The following DSTYK variants were observed in gnomAD, a reference collection of about 807,000 sequenced individuals.
DSTYK encodes RIP-homologous kinase.
DSTYK carries 34 observed loss-of-function variants against 98.7 expected under a neutral mutation model. The observed-to-expected ratio is 0.34, with a 90% CI of 0.26 to 0.46. The LOEUF (loss-of-function observed/expected upper bound fraction) is 0.46, where lower values mean the gene tolerates loss of function less well. Among genes scored for constraint, DSTYK ranks in the 20% least tolerant of loss-of-function variants. The pLI, the probability that DSTYK is intolerant of heterozygous loss-of-function variation, is 1.00. For synonymous variants in DSTYK, 462 were observed against 457.3 expected (o/e 1.01, Z -0.13); for missense variants, 962 against 1,181.7 (o/e 0.81, Z 2.73).
chr1:205,208,995 C>T (rs923530862), intron 1 of DSTYK, among the ~76,000 whole-genome samples: 1 of 152,218 alleles, frequency 6.6e-6, no homozygotes, highest in Non-Finnish European at 1.5e-5. Flanking sequence ...CCATCTGCAC[C>T]CTCCCAGGTT....
At chr1:205,187,845 T>TAG (rs1452699273) in intron 1 of DSTYK, 39 bp from the exon 2 acceptor site, 3 of 1,533,544 alleles carry the variant, frequency 2.0e-6, no homozygotes, top group Non-Finnish European at 2.6e-6. Context: ...GAGAAAGGAG[T>TAG]AGAGAGAGAG....
In DSTYK at chr1:205,187,617, C is replaced by T. The variant is rs374400399; in HGVS notation, c.455G>A (p.Arg152His). The T allele has an allele frequency of 9.3e-6, 15 of 1,614,108 alleles. No individual in the cohort carries two copies. The highest frequency in any genetic ancestry group is 1.1e-5 in the Non-Finnish European group (13 of 1,180,036). ...LGSEESCKLR[R>H]LRFTYGTQTR... ...CTGAGTCCCATAGGTGAAGCGGAGG[C>T]GCCGAAGCTTACAGCTCTCCTCACT... Residue 152 changes from arginine to histidine, a missense_variant, in exon 2 of 13, where the codon CGC becomes CAC. By Grantham distance (29) the Arg-to-His change is conservative. This residue lies in a region of DSTYK where 660 missense variants were observed against 855.0 expected (regional missense o/e 0.77). Transcript: ENST00000367162.
intron 8 of DSTYK, 158 bp downstream of exon 8, chr1:205,159,956 G>C: frequency 1.1e-6 from 1 of 925,118 alleles, no homozygotes; most frequent in Non-Finnish European, 1.7e-6. Context: ...GAAAGAGCAA[G>C]CAAAGACAGT....
chr1:205,169,124 C>G lies in DSTYK; in HGVS notation c.1324+39G>C, dbSNP rs1193005431. 6.6e-7 allele frequency: 1 copy of G among 1,508,938 alleles called. No individual in the cohort carries two copies. The highest frequency in any genetic ancestry group is 2.1e-5 in the Admixed American group (1 of 48,144). The allele number at this position is 1,508,938 out of a possible 1,614,324, so 93.5% of individuals were successfully genotyped here. On this transcript the variant is annotated intron_variant, in intron 3 of 12. Coordinates refer to ENST00000367162, the MANE Select transcript of DSTYK (RefSeq NM_015375.3). The surrounding 1 kb of genome is among the most constrained non-coding windows in gnomAD (Gnocchi z 4.0). The stretch of plus-strand genomic sequence containing the variant: ...CCGGCTAGAAAATGGTTAGAGACTC[C>G]TCCCGTGCCAGCACCCCAACAAGCT...
chr1:205,195,034 C>T (rs1364619450), intron 1 of DSTYK, among the ~76,000 whole-genome samples: 1 of 148,056 alleles, frequency 6.8e-6, no homozygotes, highest in Non-Finnish European at 1.5e-5. Flanking sequence ...ACCATGTTGG[C>T]CAGGCTGATC....
At chr1:205,166,038 A>G (rs1281156541) in intron 3 of DSTYK, among the ~76,000 whole-genome samples, 1 of 152,200 alleles carries the variant, frequency 6.6e-6, no homozygotes, top group African/African-American at 2.4e-5. Context: ...AAATAAATAA[A>G]TAAAAATAAA....
At position 205,152,044 on chromosome 1, in the gene DSTYK, T is replaced by G. The variant is rs141214550; in HGVS notation, c.2353-1250A>C. On this transcript the variant is annotated intron_variant, in intron 10 of 12. Coordinates refer to ENST00000367162, the MANE Select transcript of DSTYK (RefSeq NM_015375.3). ...GCTTATTATCAAATATTATATACTG[T>G]ACATAATTGTGCTATACTTTTATAT... 4.7e-4 allele frequency among the ~76,000 whole-genome samples: 72 copies of G among 152,356 alleles called. 2 individuals are homozygous for G. Among genetic ancestry groups the G allele is most frequent in the African/African-American group, 1.7e-3 (71 of 41,592 alleles).
At chr1:205,174,719 G>T (rs183369999) in intron 2 of DSTYK, among the ~76,000 whole-genome samples, 1 of 146,010 alleles carries the variant, frequency 6.8e-6, no homozygotes, top group Non-Finnish European at 1.5e-5. Flanking sequence ...TAAAAAAAGG[G>T]ATTTCAGGCT....
chr1:205,148,685 T>G (rs1657316334), intron 11 of DSTYK, among the ~76,000 whole-genome samples: 1 of 152,196 alleles, frequency 6.6e-6, no homozygotes, highest in Admixed American at 6.6e-5. Flanking sequence ...GTAGGTATGT[T>G]GGAACCAGAA....
At position 205,169,877 on chromosome 1, in the gene DSTYK, C is replaced by G; in HGVS notation, c.655-45G>C. 6.5e-7 allele frequency: 1 copy of G among 1,536,192 alleles called. No individual in the cohort carries two copies. The highest frequency in any genetic ancestry group is 8.7e-7 in the Non-Finnish European group (1 of 1,144,496). On this transcript the variant is annotated intron_variant, in intron 2 of 12. Coordinates refer to ENST00000367162, the MANE Select transcript of DSTYK (RefSeq NM_015375.3). The surrounding 1 kb of genome is among the most constrained non-coding windows in gnomAD (Gnocchi z 4.0). ...ATATATCAGCGCCTCAGGGTCAGAA[C>G]CAATCCCTGTCTCCCCAAAGTCCCA...
intron 1 of DSTYK, among the ~76,000 whole-genome samples, chr1:205,196,219 C>T (rs1658861906): frequency 6.6e-6 from 1 of 152,164 alleles, no homozygotes. Context: ...CTCTTCTTTA[C>T]AGTAGACTAC....
At chr1:205,207,653 C>A (rs965832023) in intron 1 of DSTYK, among the ~76,000 whole-genome samples, 1 of 145,906 alleles carries the variant, frequency 6.9e-6, no homozygotes, top group East Asian at 2.2e-4. Context: ...CTACTCAGGA[C>A]GCTGAAGCAG....
At position 205,143,109 on chromosome 1, in the gene DSTYK, C is replaced by T. The variant is rs565328443; in HGVS notation, c.*4449G>A. The T allele has an allele frequency of 6.6e-6, 1 of 152,296 alleles. No individual in the cohort carries two copies. Among genetic ancestry groups the T allele is most frequent in the South Asian group, 2.1e-4 (1 of 4,822 alleles). The allele number at this position is 152,296 out of a possible 1,614,324, so 9.4% of individuals were successfully genotyped here. ...TTAACATCAAACAAGCTCTATTCATCCCACCTCCATAACTGAAGGATTAAC... is the reference window on the plus strand; with the variant it reads ...TTAACATCAAACAAGCTCTATTCATTCCACCTCCATAACTGAAGGATTAAC... On this transcript the variant is annotated 3_prime_UTR_variant, in exon 13 of 13. Coordinates refer to ENST00000367162, the MANE Select transcript of DSTYK (RefSeq NM_015375.3).
rs1657196833 is a variant in DSTYK at position 205,145,518 on chromosome 1, G to GTTGTTTGTTTTTT, written c.*2039_*2040insAAAAAACAAACAA. On this transcript the variant is annotated 3_prime_UTR_variant, in exon 13 of 13. Transcript: ENST00000367162. ...AGCAGCAGATGTGCGACTCATCTTT[G>GTTGTTTGTTTTTT]TTTTTTGTTTTTTTTTTTGTTTTTT... 1.3e-5 allele frequency: 1 copy of GTTGTTTGTTTTTT among 78,064 alleles called. No individual in the cohort carries two copies. The allele number at this position is 78,064 out of a possible 1,614,324, so 4.8% of individuals were successfully genotyped here.
Position 205,169,255 on chromosome 1 carries a change from C to T in DSTYK, c.1232G>A (p.Arg411Gln), listed in dbSNP as rs753805870. The change falls in exon 3 of 13, where the codon CGA (arginine) becomes CAA (glutamine). Residue 411 changes from arginine to glutamine, a missense_variant. By Grantham distance (43) the Arg-to-Gln change is conservative. This residue lies in a region of DSTYK where 660 missense variants were observed against 855.0 expected (regional missense o/e 0.77). Transcript: ENST00000367162. The surrounding 1 kb of genome is among the most constrained non-coding windows in gnomAD (Gnocchi z 4.0). The stretch of plus-strand genomic sequence containing the variant: ...CATATCCTTCATTTCCTCCTGCTTT[C>T]GGTTGGCAATATTCATCAATGATTC... Reference protein sequence around the residue: ...LYESLMNIANRKQEEMKDMIV... With the variant: ...LYESLMNIANQKQEEMKDMIV... The T allele has an allele frequency of 1.1e-5, 18 of 1,614,120 alleles. No homozygotes were observed. Among genetic ancestry groups the T allele is most frequent in the South Asian group, 3.3e-5 (3 of 91,074 alleles).
chr1:205,211,137 G>T (rs1439124951), intron 1 of DSTYK, 134 bp downstream of exon 1: 9 of 1,321,306 alleles, frequency 6.8e-6, no homozygotes, highest in Non-Finnish European at 8.9e-6. Flanking sequence ...CCATGCCCGG[G>T]GACCCGGCCA....
intron 2 of DSTYK, among the ~76,000 whole-genome samples, chr1:205,176,480 A>T (rs1658234414): frequency 2.4e-5 from 1 of 42,514 alleles, no homozygotes; most frequent in Non-Finnish European, 6.8e-5. Context: ...CCCTCTTAAA[A>T]AAAAAAAAAA....
chr1:205,182,777 G>T (rs1307341912), intron 2 of DSTYK, among the ~76,000 whole-genome samples: 1 of 150,510 alleles, frequency 6.6e-6, no homozygotes, highest in African/African-American at 2.4e-5. Flanking sequence ...TTGCATTCCA[G>T]CCCGGGTGAC....
Position 205,211,394 on chromosome 1 carries a change from T to A in DSTYK, c.142A>T (p.Thr48Ser). The change falls in exon 1 of 13, where the codon ACC becomes TCC. Residue 48 changes from threonine (T) to serine (S), a missense_variant. By Grantham distance (58) the Thr-to-Ser change is moderately conservative. Around this residue, in one of 4 missense-constraint regions of DSTYK, gnomAD observed 168 missense variants for 120.0 expected, o/e 1.40. Coordinates refer to ENST00000367162, the MANE Select transcript of DSTYK (RefSeq NM_015375.3). ...LGRLRQNLRE[T>S]QKFFRDIKCS... ...TTGATGTCGCGGAAGAACTTCTGGG[T>A]CTCGCGCAGGTTCTGTCGCAGCCGT... 6.2e-7 allele frequency: 1 copy of A among 1,612,024 alleles called. No homozygotes were observed. The highest frequency in any genetic ancestry group is 8.5e-7 in the Non-Finnish European group (1 of 1,179,470).
Sources: gnomAD v4.1 joint callset for allele counts (sites outside exome capture counted in the v4.1 genomes callset) on GRCh38, gnomAD v4.1.1 for gene constraint, gnomAD v4.1.1 regional missense constraint, Gnocchi (gnomAD v3.1) non-coding constraint, MANE v1.5 for transcripts, NCBI Gene and HGNC (gene_info 2026-07-23, HGNC 2026-07-21) for gene names.